Variants in ESR1 observed in about 807,000 individuals in gnomAD.
ESR1 encodes estrogen receptor.
ESR1 carries 12 observed loss-of-function variants against 52.7 expected under a neutral mutation model. That is an observed-to-expected ratio of 0.23 (90% CI 0.15 to 0.37). The LOEUF (loss-of-function observed/expected upper bound fraction) is 0.37. Among genes scored for constraint, ESR1 ranks in the 10% least tolerant of loss-of-function variants. The pLI is 1.00. For missense variants in ESR1, 584 were observed against 779.7 expected (o/e 0.75, Z 2.99); for synonymous variants, 305 against 316.8 (o/e 0.96, Z 0.39).
chr6:151,872,836 AG>A (rs1791202370), intron 2 of ESR1, among the ~76,000 whole-genome samples: 1 of 152,226 alleles, frequency 6.6e-6, no homozygotes, highest in Non-Finnish European at 1.5e-5. Context: ...AGTGTAAGGC[AG>A]GACAAGACTT....
chr6:151,741,170 T>A (rs1159805162), intron 2 of ESR1, among the ~76,000 whole-genome samples: 1 of 152,190 alleles, frequency 6.6e-6, no homozygotes, highest in African/African-American at 2.4e-5. Flanking sequence ...CTTTCTGGTA[T>A]CATAACTGTC....
chr6:151,872,863 G>A (rs1011697225), intron 2 of ESR1, among the ~76,000 whole-genome samples: 2 of 152,166 alleles, frequency 1.3e-5, no homozygotes, highest in African/African-American at 2.4e-5. Flanking sequence ...CCCTTGTACC[G>A]TTGTGGCTGG....
intron 1 of ESR1, among the ~76,000 whole-genome samples, chr6:151,682,156 T>C (rs1455780619): frequency 6.6e-6 from 1 of 152,204 alleles, no homozygotes; most frequent in Non-Finnish European, 1.5e-5. Context: ...TATTTTCCCA[T>C]GCCCAAGTCA....
intron 6 of ESR1, among the ~76,000 whole-genome samples, chr6:152,065,892 A>G (rs1279260855): frequency 6.6e-6 from 1 of 152,254 alleles, no homozygotes; most frequent in African/African-American, 2.4e-5. Context: ...AATAATAAAG[A>G]GGAATATGGG....
intron 4 of ESR1, among the ~76,000 whole-genome samples, chr6:152,001,465 C>G (rs571774306): frequency 6.6e-6 from 1 of 152,154 alleles, no homozygotes; most frequent in African/African-American, 2.4e-5. Context: ...ACATCCTAAT[C>G]ACTTCTTAAA....
chr6:151,906,722 T>G (rs1200224557), intron 3 of ESR1, among the ~76,000 whole-genome samples: 1 of 148,006 alleles, frequency 6.8e-6, no homozygotes, highest in Non-Finnish European at 1.5e-5. Flanking sequence ...AGCTTGACTT[T>G]GCTTTATGGT....
chr6:151,945,481 C>T (rs2035592897), intron 4 of ESR1, among the ~76,000 whole-genome samples: 1 of 152,174 alleles, frequency 6.6e-6, no homozygotes, highest in Non-Finnish European at 1.5e-5. Flanking sequence ...TGGACTGTTA[C>T]TCCTGTTATT....
At chr6:152,051,272 A>G (rs2046655358) in intron 5 of ESR1, among the ~76,000 whole-genome samples, 1 of 152,136 alleles carries the variant, frequency 6.6e-6, no homozygotes, top group Non-Finnish European at 1.5e-5. Flanking sequence ...AGTTTTCTCC[A>G]TATCTAGAGA....
At chr6:151,742,201 T>G (rs1783148101) in intron 2 of ESR1, among the ~76,000 whole-genome samples, 1 of 152,220 alleles carries the variant, frequency 6.6e-6, no homozygotes, top group African/African-American at 2.4e-5. Flanking sequence ...CTGCTGTGAA[T>G]AGTGCTGCAA....
At chr6:151,813,759 T>C (rs35646275) in intron 1 of ESR1, among the ~76,000 whole-genome samples, 2 of 152,296 alleles carry the variant, frequency 1.3e-5, no homozygotes, top group Non-Finnish European at 2.9e-5. Context: ...ACTTCTTTGT[T>C]TGGTAATGTT....
intron 4 of ESR1, among the ~76,000 whole-genome samples, chr6:151,993,716 G>A (rs1015850498): frequency 6.6e-6 from 1 of 152,160 alleles, no homozygotes. Context: ...AACCTGGGAG[G>A]AAGCAGAGTG....
intron 2 of ESR1, among the ~76,000 whole-genome samples, chr6:151,732,084 A>G (rs1043468948): frequency 6.6e-6 from 1 of 152,192 alleles, no homozygotes; most frequent in Non-Finnish European, 1.5e-5. Context: ...CATTTTTGAG[A>G]GATAAAATCT....
At chr6:151,758,773 A>AG (rs1454547693) in intron 2 of ESR1, among the ~76,000 whole-genome samples, 1 of 151,192 alleles carries the variant, frequency 6.6e-6, no homozygotes, top group Non-Finnish European at 1.5e-5. Flanking sequence ...AAAAAAAAAA[A>AG]AAAAGAAGAA....
intron 6 of ESR1, among the ~76,000 whole-genome samples, chr6:152,079,646 G>A (rs1389806580): frequency 6.6e-6 from 1 of 152,172 alleles, no homozygotes; most frequent in Non-Finnish European, 1.5e-5. Context: ...TGAGTTTGAT[G>A]AGTTGACAGA....
intron 4 of ESR1, among the ~76,000 whole-genome samples, chr6:152,005,930 A>C (rs1186187367): frequency 6.6e-6 from 1 of 152,090 alleles, no homozygotes; most frequent in Admixed American, 6.6e-5. Flanking sequence ...CAAGAAAGAA[A>C]GAGTCAGCTT....
chr6:151,828,914 G>A (rs571058690), intron 1 of ESR1, among the ~76,000 whole-genome samples: 2 of 152,208 alleles, frequency 1.3e-5, no homozygotes, highest in Non-Finnish European at 2.9e-5. Flanking sequence ...GCAGCAAAAG[G>A]ATAGGGTGCT....
At chr6:151,935,769 A>G (rs1167712412) in intron 3 of ESR1, among the ~76,000 whole-genome samples, 1 of 152,200 alleles carries the variant, frequency 6.6e-6, no homozygotes, top group East Asian at 1.9e-4. Context: ...TACAAAGAAC[A>G]GCTCACTTTA....
chr6:152,059,170 T>C (rs2047347014), intron 5 of ESR1, among the ~76,000 whole-genome samples: 1 of 152,156 alleles, frequency 6.6e-6, no homozygotes, highest in Admixed American at 6.5e-5. Context: ...GCAAATGTTA[T>C]GTTATGTGAT....
Position 151,962,494 on chromosome 6 carries a change from C to G in ESR1, c.1096+17986C>G, listed in dbSNP as rs1206572071. ...GTTGGGCCCCTGGTTGATGTCATTC[C>G]TTTTCAAATGGGATCTTTTACTACA... On this transcript the variant is annotated intron_variant, in intron 4 of 7. Transcript: ENST00000206249. Among the ~76,000 whole-genome samples the G allele has an allele frequency of 2.6e-5, 4 of 152,124 alleles. No homozygotes were observed. The East Asian group carries it at 7.7e-4, about 29-fold the overall frequency.
Sources: gnomAD v4.1 joint callset for allele counts (sites outside exome capture counted in the v4.1 genomes callset) on GRCh38, gnomAD v4.1.1 for gene constraint, MANE v1.5 for transcripts, NCBI Gene and HGNC (gene_info 2026-07-23, HGNC 2026-07-21) for gene names.